Variants in GOLGB1 observed in about 807,000 individuals in gnomAD.
GOLGB1 encodes golgin subfamily B member 1.
In GOLGB1, 174 loss-of-function variants were observed where a neutral mutation model predicts 336.9. That is an observed-to-expected ratio of 0.52 (90% CI 0.46 to 0.59). GOLGB1 has a LOEUF of 0.59. Ranked by LOEUF, GOLGB1 falls within the 20% of genes least tolerant of loss-of-function variation. GOLGB1 has a pLI of 0.00. For missense variants in GOLGB1, 3,331 were observed against 3,645.3 expected (o/e 0.91, Z 2.22); for synonymous variants, 1,208 against 1,289.2 (o/e 0.94, Z 1.35).
At chr3:121,674,514 G>C (rs1169163991) in intron 17 of GOLGB1, among the ~76,000 whole-genome samples, 2 of 152,144 alleles carry the variant, frequency 1.3e-5, no homozygotes, top group African/African-American at 4.8e-5. Flanking sequence ...TCAATCTACA[G>C]TTAGTTAAAT....
In GOLGB1 at chr3:121,691,370, T is replaced by C; in HGVS notation, c.7994A>G (p.Glu2665Gly). ...SSQKRIAELE[E>G]ELVCVQKEAA... ...TTCCTTTTGAACACAAACCAATTCT[T>C]CTTCCAGTTCTGCAATTCTCTTTTG... The change falls in exon 14 of 22, where the codon GAA becomes GGA. Residue 2665 changes from glutamate (E) to glycine (G), a missense_variant. By Grantham distance (98) the Glu-to-Gly change is moderately conservative. Coordinates refer to ENST00000614479, the MANE Select transcript of GOLGB1 (RefSeq NM_001366282.2). The C allele has an allele frequency of 1.2e-6, 2 of 1,613,136 alleles. No individual in the cohort carries two copies. Among genetic ancestry groups the C allele is most frequent in the South Asian group, 1.1e-5 (1 of 90,766 alleles).
Position 121,699,809 on chromosome 3 carries a change from T to C in GOLGB1, c.1593+3A>G. 1 of 1,560,206 alleles carries C rather than the reference T, an allele frequency of 6.4e-7. No homozygotes were observed. Among genetic ancestry groups the C allele is most frequent in the South Asian group, 1.1e-5 (1 of 89,542 alleles). ...CTGGTTATATTAAGAACACATCACT[T>C]ACCTCACTGACTTCTCTGTCTGCCT... is the stretch of plus-strand genomic sequence containing the variant. On this transcript the variant is annotated splice_donor_region_variant and intron_variant, in intron 12 of 21. Coordinates refer to ENST00000614479, the MANE Select transcript of GOLGB1 (RefSeq NM_001366282.2).
rs778297167 is a variant in GOLGB1, at chr3:121,697,742, A to C, written c.2781T>G (p.Phe927Leu). The C allele has an allele frequency of 6.2e-7, 1 of 1,614,072 alleles. No individual in the cohort carries two copies. The highest frequency in any genetic ancestry group is 1.1e-5 in the South Asian group (1 of 91,074). ...EKMVQLNEEK[F>L]SLGVEIKTLK... Reference sequence around the variant, plus strand: ...GAGTCTTAATTTCAACCCCAAGAGAAAACTTCTCTTCATTAAGCTGAACCA... The same window carrying C: ...GAGTCTTAATTTCAACCCCAAGAGACAACTTCTCTTCATTAAGCTGAACCA... The change falls in exon 13 of 22, where the codon TTT becomes TTG. Residue 927 changes from phenylalanine (F) to leucine (L), a missense_variant. Phe to Leu is a conservative substitution (Grantham distance 22). Coordinates refer to ENST00000614479, the MANE Select transcript of GOLGB1 (RefSeq NM_001366282.2).
intron 14 of GOLGB1, among the ~76,000 whole-genome samples, chr3:121,689,598 T>C (rs1054763577): frequency 3.3e-5 from 5 of 149,318 alleles, no homozygotes; most frequent in Non-Finnish European, 7.4e-5. Flanking sequence ...ACTATTGTCC[T>C]ATGACCCTGC....
Position 121,696,083 on chromosome 3 carries a change from A to G in GOLGB1, c.4440T>C (p.Ser1480=). The stretch of plus-strand genomic sequence containing the variant: ...TCCTTTGTATTTGTTGCTTTGCTCT[A>G]CTTTCTTCTCCAATCTCTTCTGGTT... The part of the protein sequence containing the change: ...KQKPEEIGEE[S]RAKQQIQRKL... The change falls in exon 13 of 22, where the codon AGT becomes AGC. Residue 1480 remains serine (S), a synonymous_variant. Coordinates refer to ENST00000614479, the MANE Select transcript of GOLGB1 (RefSeq NM_001366282.2). 6.2e-7 allele frequency: 1 copy of G among 1,613,836 alleles called. No individual in the cohort carries two copies.
chr3:121,679,765 G>A (rs1318616121), intron 15 of GOLGB1, among the ~76,000 whole-genome samples: 2 of 152,122 alleles, frequency 1.3e-5, no homozygotes, highest in Non-Finnish European at 2.9e-5. Context: ...ATCACCTAGT[G>A]CTAAGAAGGT....
intron 8 of GOLGB1, 53 bp from the exon 9 acceptor site, chr3:121,717,192 C>G (rs1019323729): frequency 1.4e-6 from 2 of 1,429,344 alleles, no homozygotes; most frequent in Admixed American, 4.4e-5. Context: ...TTCATTTCAA[C>G]AAGCATTGTA....
At position 121,691,882 on chromosome 3, in the gene GOLGB1, A is replaced by G. The variant is rs759799852; in HGVS notation, c.7482T>C (p.Ser2494=). 31 of 1,613,690 alleles carry G rather than the reference A, an allele frequency of 1.9e-5. No homozygotes were observed. The highest frequency in any genetic ancestry group is 3.3e-5 in the Admixed American group (2 of 60,002). The change falls in exon 14 of 22, where the codon TCT becomes TCC. Residue 2494 remains serine, a synonymous_variant. Coordinates refer to ENST00000614479, the MANE Select transcript of GOLGB1 (RefSeq NM_001366282.2). Reference sequence around the variant, plus strand: ...TGAGTTGGTCTTTTTCCAAGATTATAGAGAGATGTCGCTCTTCCAGCTGTT... The same window carrying G: ...TGAGTTGGTCTTTTTCCAAGATTATGGAGAGATGTCGCTCTTCCAGCTGTT... The part of the protein sequence containing the change: ...DYQQLEERHL[S]IILEKDQLIQ...
chr3:121,702,437 G>T, intron 11 of GOLGB1, 44 bp downstream of exon 11: 1 of 793,312 alleles, frequency 1.3e-6, no homozygotes, highest in Non-Finnish European at 1.9e-6. Flanking sequence ...AGAGGCACTT[G>T]TGGGATAAGA....
chr3:121,706,084 G>GC, intron 10 of GOLGB1, among the ~76,000 whole-genome samples: 1 of 151,508 alleles, frequency 6.6e-6, no homozygotes, highest in Admixed American at 6.6e-5. Context: ...GTTGCAGTGA[G>GC]CTGAGACTGC....
At chr3:121,670,759 G>GT (rs72048008) in intron 17 of GOLGB1, among the ~76,000 whole-genome samples, 2 of 149,712 alleles carry the variant, frequency 1.3e-5, no homozygotes, top group East Asian at 2.0e-4. Context: ...TTCTTTTGGG[G>GT]GGGGGGGTGT....
rs766705613 is a variant in GOLGB1, at chr3:121,696,159, T to C, written c.4364A>G (p.His1455Arg). 1.9e-6 allele frequency: 3 copies of C among 1,614,182 alleles called. No homozygotes were observed. Among genetic ancestry groups the C allele is most frequent in the Non-Finnish European group, 1.7e-6 (2 of 1,180,022 alleles). ...CTGTAGCTGCTTTATCCTCTCATCATGCTCTTTGGCTTGCATTTCTAGCTG... is the reference window on the plus strand; with the variant it reads ...CTGTAGCTGCTTTATCCTCTCATCACGCTCTTTGGCTTGCATTTCTAGCTG... ...HTQLEMQAKE[H>R]DERIKQLQVE... The change falls in exon 13 of 22, where the codon CAT becomes CGT. Residue 1455 changes from histidine to arginine, a missense_variant. His to Arg is a conservative substitution (Grantham distance 29). Transcript: ENST00000614479.
At chr3:121,710,093 G>A (rs1576393064) in intron 10 of GOLGB1, among the ~76,000 whole-genome samples, 2 of 142,866 alleles carry the variant, frequency 1.4e-5, no homozygotes. Flanking sequence ...ACCAAAACTG[G>A]CACCGGGTGG....
At position 121,690,814 on chromosome 3, in the gene GOLGB1, T is replaced by C. The variant is rs780739054; in HGVS notation, c.8550A>G (p.Arg2850=). 8 of 1,607,770 alleles carry C rather than the reference T, an allele frequency of 5.0e-6. No individual in the cohort carries two copies. The African/African-American group carries it at 9.4e-5, about 19-fold the overall frequency. The part of the protein sequence containing the change: ...SKAMASLQNE[R]DHLWNELEKF... ...TCTCCAGCTCATTCCACAGGTGATCTCTCTCATTCTGCAGACTGGCCATAG... is the reference window on the plus strand; with the variant it reads ...TCTCCAGCTCATTCCACAGGTGATCCCTCTCATTCTGCAGACTGGCCATAG... The change falls in exon 14 of 22, where the codon AGA becomes AGG. Residue 2850 remains arginine (R), a synonymous_variant. Transcript: ENST00000614479.
intron 4 of GOLGB1, among the ~76,000 whole-genome samples, chr3:121,728,030 A>T (rs1048431497): frequency 2.6e-5 from 4 of 152,218 alleles, no homozygotes; most frequent in African/African-American, 7.2e-5. Context: ...TGGATAATTT[A>T]AAAATCTGAC....
chr3:121,744,907 C>T (rs555953077), intron 1 of GOLGB1, among the ~76,000 whole-genome samples: 153 of 152,230 alleles, frequency 1.0e-3, no homozygotes, highest in Non-Finnish European at 1.8e-3. Context: ...CTGAGTTTTC[C>T]GTCCTGGCTC....
intron 14 of GOLGB1, among the ~76,000 whole-genome samples, chr3:121,686,465 T>C (rs1941738887): frequency 6.6e-6 from 1 of 152,162 alleles, no homozygotes. Context: ...TCTTGAAAAA[T>C]TGTTTATATC....
At chr3:121,745,941 T>C (rs182918490) in intron 1 of GOLGB1, among the ~76,000 whole-genome samples, 151 of 152,304 alleles carry the variant, frequency 9.9e-4, no homozygotes, top group African/African-American at 3.3e-3. Context: ...AGCATTATGC[T>C]AGGAACTATA....
In GOLGB1 at chr3:121,691,328, C is replaced by T. The variant is rs1249132596; in HGVS notation, c.8036G>A (p.Gly2679Asp). The T allele has an allele frequency of 1.2e-6, 2 of 1,612,368 alleles. No homozygotes were observed. Among genetic ancestry groups the T allele is most frequent in the East Asian group, 2.2e-5 (1 of 44,866 alleles). Residue 2679 changes from glycine (G) to aspartate (D), a missense_variant, in exon 14 of 22, where the codon GGT becomes GAT. Coordinates refer to ENST00000614479, the MANE Select transcript of GOLGB1 (RefSeq NM_001366282.2). ...CVQKEAAKKV[G>D]EIEDKLKKEL... ...TTTCTTCAGTTTATCTTCAATTTCA[C>T]CTACCTTCTTGGCAGCTTCCTTTTG... is the stretch of plus-strand genomic sequence containing the variant.
Sources: gnomAD v4.1 joint callset for allele counts (sites outside exome capture counted in the v4.1 genomes callset) on GRCh38, gnomAD v4.1.1 for gene constraint, MANE v1.5 for transcripts, NCBI Gene and HGNC (gene_info 2026-07-23, HGNC 2026-07-21) for gene names.